The following RARB variants were observed in gnomAD, a reference collection of about 807,000 sequenced individuals.
RARB encodes the protein HBV-activated protein.
A neutral mutation model predicts 51.9 loss-of-function variants in RARB; 17 were observed. The ratio of observed to expected loss-of-function variants is 0.33; its 90% CI spans 0.22 to 0.49. The LOEUF (loss-of-function observed/expected upper bound fraction) is 0.49. Ranked by LOEUF, RARB falls within the 20% of genes least tolerant of loss-of-function variation. The probability of loss-of-function intolerance (pLI) is 0.99; values close to 1 mark genes in which losing one functional copy is unlikely to be tolerated. For synonymous variants in RARB, 215 were observed against 195.4 expected (o/e 1.10, Z -0.84); for missense variants, 369 against 550.8 (o/e 0.67, Z 3.30).
chr3:25,170,406 G>A (rs771627327), intron 4 of RARB, among the ~76,000 whole-genome samples: 2 of 152,094 alleles, frequency 1.3e-5, no homozygotes, highest in African/African-American at 2.4e-5. Context: ...ATGCATGTGA[G>A]GGGAGGCTCT....
intron 5 of RARB, among the ~76,000 whole-genome samples, chr3:25,182,687 A>G (rs940024530): frequency 2.2e-4 from 33 of 152,158 alleles, no homozygotes; most frequent in African/African-American, 7.7e-4. Context: ...TCTATCTCCA[A>G]TGAGACATTA....
chr3:24,997,807 T>G (rs531810921), intron 2 of RARB, among the ~76,000 whole-genome samples: 1 of 152,342 alleles, frequency 6.6e-6, no homozygotes, highest in South Asian at 2.1e-4. Flanking sequence ...CGTGTAAAAA[T>G]GTAGATTTTC....
At position 24,889,105 on chromosome 3, in the gene RARB, C is replaced by G. The variant is rs1020789081; in HGVS notation, c.-380+30353C>G. Among the ~76,000 whole-genome samples the G allele has an allele frequency of 5.3e-5, 8 of 152,308 alleles. No individual in the cohort carries two copies. The East Asian group carries it at 1.5e-3, about 29-fold the overall frequency. On this transcript the variant is annotated intron_variant, in intron 2 of 11. Coordinates refer to the RARB transcript ENST00000383772. ...ATGCACTGTCCCCTGTGAGGACTCA[C>G]TACATATGGATCCAGCCCACCAAAT...
intron 5 of RARB, among the ~76,000 whole-genome samples, chr3:25,286,451 T>C (rs1364126984): frequency 1.3e-5 from 2 of 152,166 alleles, no homozygotes; most frequent in African/African-American, 2.4e-5. Flanking sequence ...TCTACTATAA[T>C]CCCTCTAGCC....
At chr3:25,522,544 A>T (rs1378270602) in intron 3 of RARB, among the ~76,000 whole-genome samples, 1 of 152,174 alleles carries the variant, frequency 6.6e-6, no homozygotes, top group Admixed American at 6.5e-5. Flanking sequence ...ACATCACTTC[A>T]TGGTGCCTGA....
chr3:25,048,752 C>CT (rs34598308), intron 2 of RARB, among the ~76,000 whole-genome samples: 13,593 of 108,350 alleles, frequency 0.13, 1,613 homozygotes, highest in East Asian at 0.21. Flanking sequence ...ATTAAGCCCA[C>CT]TTTTTTTTTT....
rs149962613 is a variant in RARB at position 25,529,565 on chromosome 3, G to T, written c.448+28242G>T. Reference sequence around the variant, plus strand: ...TGAGGAAATGATGAAATGGACGATGGAGTTACTTCTGAAGGAGGAGGAAAT... The same window carrying T: ...TGAGGAAATGATGAAATGGACGATGTAGTTACTTCTGAAGGAGGAGGAAAT... On this transcript the variant is annotated intron_variant, in intron 3 of 7. Coordinates refer to ENST00000330688, the MANE Select transcript of RARB (RefSeq NM_000965.5). Among the ~76,000 whole-genome samples, 520 of 152,242 alleles carry T rather than the reference G, an allele frequency of 3.4e-3. 3 individuals carry two copies. The highest frequency in any genetic ancestry group is 0.012 in the African/African-American group (489 of 41,540).
intron 5 of RARB, among the ~76,000 whole-genome samples, chr3:25,291,874 G>A (rs369511309): frequency 2.5e-4 from 38 of 152,034 alleles, no homozygotes; most frequent in Middle Eastern, 3.4e-3. Context: ...TAAGCACAGA[G>A]GCACAAAAGA....
At chr3:25,141,300 A>C (rs994609016) in intron 4 of RARB, among the ~76,000 whole-genome samples, 1 of 151,972 alleles carries the variant, frequency 6.6e-6, no homozygotes, top group Non-Finnish European at 1.5e-5. Flanking sequence ...TCTAAATTCA[A>C]TATACTAGAT....
chr3:25,071,324 G>A (rs187523018), intron 3 of RARB, among the ~76,000 whole-genome samples: 3 of 152,248 alleles, frequency 2.0e-5, no homozygotes, highest in East Asian at 3.9e-4. Flanking sequence ...CAGTTACTTT[G>A]GCTGTAAAAT....
chr3:25,050,836 A>G (rs1258122563), intron 2 of RARB, among the ~76,000 whole-genome samples: 1 of 152,228 alleles, frequency 6.6e-6, no homozygotes, highest in Non-Finnish European at 1.5e-5. Flanking sequence ...TGAAAATGCC[A>G]TATACTAGGA....
chr3:24,968,774 T>G (rs1696331707), intron 2 of RARB, among the ~76,000 whole-genome samples: 1 of 152,140 alleles, frequency 6.6e-6, no homozygotes, highest in Admixed American at 6.6e-5. Context: ...ATTGAACCAT[T>G]GGCCGAAGCA....
intron 1 of RARB, among the ~76,000 whole-genome samples, chr3:25,450,861 G>A (rs1709161955): frequency 6.6e-6 from 1 of 152,176 alleles, no homozygotes; most frequent in South Asian, 2.1e-4. Context: ...CAAGGAGGAG[G>A]ATCACCTGAG....
At chr3:25,454,478 A>C (rs1490208414) in intron 1 of RARB, among the ~76,000 whole-genome samples, 1 of 152,204 alleles carries the variant, frequency 6.6e-6, no homozygotes, top group East Asian at 1.9e-4. Flanking sequence ...GCCATGCAGG[A>C]AATGTCTTTT....
chr3:25,406,844 C>T (rs1014360510), intron 5 of RARB, among the ~76,000 whole-genome samples: 1 of 152,138 alleles, frequency 6.6e-6, no homozygotes, highest in Non-Finnish European at 1.5e-5. Flanking sequence ...TTTTACATTG[C>T]CTCAACCCAG....
chr3:25,468,828 C>G (rs2125565245), intron 2 of RARB, among the ~76,000 whole-genome samples: 1 of 152,342 alleles, frequency 6.6e-6, no homozygotes, highest in African/African-American at 2.4e-5. Context: ...TTCCCAGATG[C>G]AGCTTTGTCC....
In RARB at chr3:25,112,086, T is replaced by C. The variant is rs150574892; in HGVS notation, c.-327-20075T>C. Among the ~76,000 whole-genome samples the C allele has an allele frequency of 2.9e-3, 440 of 152,286 alleles. 5 individuals carry two copies. Among genetic ancestry groups the C allele is most frequent in the African/African-American group, 0.01 (418 of 41,556 alleles). The stretch of plus-strand genomic sequence containing the variant: ...GATAGTAGGCAGCTGTTCGGTGTTT[T>C]GATTATGATAATAATTTTAAATAAA... On this transcript the variant is annotated intron_variant, in intron 3 of 11. Coordinates refer to the RARB transcript ENST00000383772.
intron 2 of RARB, among the ~76,000 whole-genome samples, chr3:24,905,567 G>A (rs1694843819): frequency 6.6e-6 from 1 of 152,198 alleles, no homozygotes; most frequent in Admixed American, 6.5e-5. Flanking sequence ...TTTTGGACAA[G>A]CTTTCCTTTC....
chr3:25,427,558 G>C (rs1708029946), upstream of RARB, among the ~76,000 whole-genome samples: 1 of 152,174 alleles, frequency 6.6e-6, no homozygotes, highest in African/African-American at 2.4e-5. Context: ...GTGTGTTTGG[G>C]ACAGGGGTAA....
Sources: gnomAD v4.1 joint callset for allele counts (sites outside exome capture counted in the v4.1 genomes callset) on GRCh38, gnomAD v4.1.1 for gene constraint, MANE v1.5 for transcripts, NCBI Gene and HGNC (gene_info 2026-07-23, HGNC 2026-07-21) for gene names.